BDP1: variants seen among roughly 807,000 people sequenced by gnomAD.
The protein encoded by BDP1 is transcription factor TFIIIB component B'' homolog.
BDP1 carries 169 observed loss-of-function variants against 266.6 expected under a neutral mutation model. The observed-to-expected ratio is 0.63, with a 90% CI of 0.56 to 0.72. The LOEUF (loss-of-function observed/expected upper bound fraction) is 0.72. BDP1 is among the 30% of genes least tolerant of loss of function. BDP1 has a pLI of 0.00. For synonymous variants in BDP1, 1,090 were observed against 1,022.4 expected (o/e 1.07, Z -1.26); for missense variants, 3,015 against 3,053.8 (o/e 0.99, Z 0.30).
rs754197513 is a variant in BDP1 at position 71,553,165 on chromosome 5, A to G, written c.7045A>G (p.Ile2349Val). 3 of 1,613,184 alleles carry G rather than the reference A, an allele frequency of 1.9e-6. No individual in the cohort carries two copies. Among genetic ancestry groups the G allele is most frequent in the South Asian group, 2.2e-5 (2 of 91,046 alleles). The change falls in exon 35 of 39, where the codon ATT (isoleucine) becomes GTT (valine). Residue 2349 changes from isoleucine (I) to valine (V), a missense_variant. By Grantham distance (29) the Ile-to-Val change is conservative. This residue lies in a region of BDP1 where 629 missense variants were observed against 632.5 expected (regional missense o/e 0.99). Transcript: ENST00000358731. ...TGGTCAAGATGCCATGGGTTTATCT[A>G]TTTCTGGAAGAGATAATTCTAAAAA... ...SVGQDAMGLS[I>V]SGRDNSKKPP... is the part of the protein sequence containing the mutation.
intron 38 of BDP1, chr5:71,562,762 T>C: frequency 7.1e-7 from 1 of 1,401,210 alleles, no homozygotes; most frequent in Non-Finnish European, 9.4e-7. Context: ...TAATAGCCAT[T>C]CCTTTAATCT....
rs917544825 is a variant in BDP1 at position 71,511,160 on chromosome 5, T to G, written c.4059+9T>G. 2.0e-5 allele frequency: 32 copies of G among 1,581,814 alleles called. No individual in the cohort carries two copies. The highest frequency in any genetic ancestry group is 2.7e-5 in the Non-Finnish European group (31 of 1,169,776). ...CTTCACTAGATATTCAGGTATGTAT[T>G]TTTCTGTCCTTTAAAAGTTTTTTGA... On this transcript the variant is annotated intron_variant, in intron 17 of 38. Coordinates refer to ENST00000358731, the MANE Select transcript of BDP1 (RefSeq NM_018429.3).
Position 71,524,030 on chromosome 5 carries a change from C to T in BDP1, c.5479C>T (p.Arg1827Cys), listed in dbSNP as rs1441660115. ...ISSTSEYERN[R>C]GERRSHKKFK... is the part of the protein sequence containing the mutation. ...TTCTACATCTGAGTATGAGAGAAAT[C>T]GTGGTGAAAGGAGAAGTCATAAAAA... Residue 1827 changes from arginine to cysteine, a missense_variant, in exon 25 of 39, where the codon CGT becomes TGT. Physicochemically the swap from Arg to Cys is radical, Grantham distance 180 (BLOSUM62 -3). Transcript: ENST00000358731. The T allele has an allele frequency of 5.0e-6, 8 of 1,613,996 alleles. No individual in the cohort carries two copies. The highest frequency in any genetic ancestry group is 2.2e-5 in the East Asian group (1 of 44,892).
intron 36 of BDP1, among the ~76,000 whole-genome samples, chr5:71,559,219 T>C (rs936678968): frequency 3.9e-5 from 6 of 152,226 alleles, no homozygotes; most frequent in Non-Finnish European, 8.8e-5. Context: ...GTCCCAACTT[T>C]GACTGTGAAA....
chr5:71,478,918 CAT>C (rs1357398647), intron 7 of BDP1, among the ~76,000 whole-genome samples: 5 of 152,166 alleles, frequency 3.3e-5, no homozygotes, highest in African/African-American at 1.2e-4. Flanking sequence ...TTTCTATTGT[CAT>C]AGCGTCAAGT....
chr5:71,529,420 G>A (rs1380062949), intron 25 of BDP1, among the ~76,000 whole-genome samples: 1 of 152,146 alleles, frequency 6.6e-6, no homozygotes. Flanking sequence ...GGCCAGGCAT[G>A]GTGGCTCATG....
chr5:71,567,972 T>G (rs1352270975), downstream of BDP1, among the ~76,000 whole-genome samples: 1 of 151,918 alleles, frequency 6.6e-6, no homozygotes, highest in African/African-American at 2.4e-5. Context: ...TGAGACCTCA[T>G]CTCTACAAAA....
At chr5:71,569,648 A>G (rs1454717843), downstream of BDP1, among the ~76,000 whole-genome samples, 2 of 152,152 alleles carry the variant, frequency 1.3e-5, no homozygotes, top group African/African-American at 4.8e-5. Flanking sequence ...GGAGAGGCTG[A>G]GGTGGGAGGA....
intron 1 of BDP1, among the ~76,000 whole-genome samples, chr5:71,458,187 C>T (rs956951808): frequency 1.3e-5 from 2 of 151,986 alleles, no homozygotes; most frequent in Non-Finnish European, 2.9e-5. Flanking sequence ...TTTAAAATGT[C>T]AGAGTGAATT....
intron 35 of BDP1, 126 bp downstream of exon 35, chr5:71,553,446 C>G: frequency 1.7e-6 from 1 of 598,526 alleles, no homozygotes; most frequent in Non-Finnish European, 2.8e-6. Flanking sequence ...ATAGTTCTGA[C>G]ATTTATCATC....
At chr5:71,542,343 G>T in intron 30 of BDP1, 78 bp downstream of exon 30, 1 of 1,301,648 alleles carries the variant, frequency 7.7e-7, no homozygotes, top group Non-Finnish European at 1.1e-6. Context: ...GAAATATTTG[G>T]TCATTAAATT....
In BDP1 at chr5:71,495,240, T is replaced by G; in HGVS notation, c.1641-10T>G. On this transcript the variant is annotated splice_polypyrimidine_tract_variant and intron_variant, in intron 11 of 38. Transcript: ENST00000358731. ...ATTCTTTTCTCTCTGAAATATTTTC[T>G]TTTTTTTAGTAATCAACAAGATGCC... is the stretch of plus-strand genomic sequence containing the variant. The G allele has an allele frequency of 6.8e-7, 1 of 1,478,806 alleles. No homozygotes were observed. The highest frequency in any genetic ancestry group is 9.1e-7 in the Non-Finnish European group (1 of 1,104,644). The allele number at this position is 1,478,806 out of a possible 1,614,324, so 91.6% of individuals were successfully genotyped here.
rs1742106650 is a variant in BDP1, at chr5:71,544,453, G to A, written c.6509G>A (p.Cys2170Tyr). Residue 2170 changes from cysteine (C) to tyrosine (Y), a missense_variant, in exon 31 of 39, where the codon TGT (cysteine) becomes TAT (tyrosine). Coordinates refer to ENST00000358731, the MANE Select transcript of BDP1 (RefSeq NM_018429.3). ...AATAAGGATCAGAGCAAATTGGCATGTGTACATGGTATCAAAGGGACCAGT... is the reference window on the plus strand; with the variant it reads ...AATAAGGATCAGAGCAAATTGGCATATGTACATGGTATCAAAGGGACCAGT... Reference protein sequence around the residue: ...AENKDQSKLACVHGIKGTSIS... With the variant: ...AENKDQSKLAYVHGIKGTSIS... 1 of 1,613,994 alleles carries A rather than the reference G, an allele frequency of 6.2e-7. No individual in the cohort carries two copies.
At chr5:71,544,534 T>A in intron 31 of BDP1, 27 bp downstream of exon 31, 1 of 1,596,250 alleles carries the variant, frequency 6.3e-7, no homozygotes, top group Non-Finnish European at 8.5e-7. Flanking sequence ...GTTCTGAGAT[T>A]CAGTTTATAT....
intron 36 of BDP1, among the ~76,000 whole-genome samples, chr5:71,558,817 ACT>A (rs1743417802): frequency 7.1e-6 from 1 of 141,194 alleles, no homozygotes; most frequent in South Asian, 2.3e-4. Flanking sequence ...CAAGAGCGAA[ACT>A]CTGTCTCAAA....
chr5:71,460,270 C>A (rs1261969989), intron 2 of BDP1, among the ~76,000 whole-genome samples: 1 of 152,210 alleles, frequency 6.6e-6, no homozygotes, highest in Non-Finnish European at 1.5e-5. Context: ...ATCCCAGCTA[C>A]TCAGGAGGCT....
At chr5:71,492,724 GTTT>G (rs1763666377) in intron 11 of BDP1, among the ~76,000 whole-genome samples, 5 of 152,130 alleles carry the variant, frequency 3.3e-5, no homozygotes, top group Admixed American at 3.3e-4. Context: ...GCGTACAGAA[GTTT>G]TTTAGTTCAA....
chr5:71,524,948 G>A (rs1485061655), intron 25 of BDP1, among the ~76,000 whole-genome samples: 1 of 151,236 alleles, frequency 6.6e-6, no homozygotes, highest in African/African-American at 2.4e-5. Flanking sequence ...CACAGGGTTG[G>A]GGGTAAGGTC....
At chr5:71,456,518 CAGTG>C (rs777218878) in intron 1 of BDP1, among the ~76,000 whole-genome samples, 17 of 152,176 alleles carry the variant, frequency 1.1e-4, no homozygotes, top group Admixed American at 9.8e-4. Context: ...CGATTTATGT[CAGTG>C]AGTAAGAGTT....
Sources: gnomAD v4.1 joint callset for allele counts (sites outside exome capture counted in the v4.1 genomes callset) on GRCh38, gnomAD v4.1.1 for gene constraint, gnomAD v4.1.1 regional missense constraint, MANE v1.5 for transcripts, NCBI Gene and HGNC (gene_info 2026-07-23, HGNC 2026-07-21) for gene names.